Variants in SNCAIP observed in about 807,000 individuals in gnomAD.
SNCAIP encodes the protein synphilin-1.
Under a neutral mutation model 86.7 loss-of-function variants are expected in SNCAIP, and 43 were observed. The ratio of observed to expected loss-of-function variants is 0.50; its 90% confidence interval spans 0.39 to 0.64. The LOEUF is 0.64. SNCAIP is among the 30% of genes least tolerant of loss of function. The pLI, the probability that SNCAIP is intolerant of heterozygous loss-of-function variation, is 0.00. For synonymous variants in SNCAIP, 417 were observed against 427.2 expected (o/e 0.98, Z 0.29); for missense variants, 981 against 1,103.1 (o/e 0.89, Z 1.57).
chr5:122,420,341 A>G (rs1165216745), intron 3 of SNCAIP, among the ~76,000 whole-genome samples: 2 of 152,350 alleles, frequency 1.3e-5, no homozygotes, highest in Admixed American at 1.3e-4. Context: ...AAAATTTCAC[A>G]TGTAAATAAA....
chr5:122,403,837 A>T lies in SNCAIP; in HGVS notation c.102A>T (p.Arg34Ser). 1 of 1,613,942 alleles carries T rather than the reference A, an allele frequency of 6.2e-7. No homozygotes were observed. Among genetic ancestry groups the T allele is most frequent in the Non-Finnish European group, 8.5e-7 (1 of 1,179,850 alleles). The change falls in exon 3 of 11, where the codon AGA becomes AGT. Residue 34 changes from arginine to serine, a missense_variant. Coordinates refer to ENST00000261368, the MANE Select transcript of SNCAIP (RefSeq NM_005460.4). ...SLKTIPELCR[R>S]CDTQNEDRSV... is the part of the protein sequence containing the mutation. Reference sequence around the variant, plus strand: ...AGACGATCCCAGAACTGTGCCGAAGATGTGATACGCAAAACGAAGACAGAT... The same window carrying T: ...AGACGATCCCAGAACTGTGCCGAAGTTGTGATACGCAAAACGAAGACAGAT...
intron 1 of SNCAIP, among the ~76,000 whole-genome samples, chr5:122,368,144 TG>T (rs1763551599): frequency 6.6e-6 from 1 of 152,196 alleles, no homozygotes; most frequent in South Asian, 2.1e-4. Context: ...ATATAGGCAC[TG>T]TCCCCTTCAC....
intron 1 of SNCAIP, among the ~76,000 whole-genome samples, chr5:122,339,151 C>A (rs1757075954): frequency 6.6e-6 from 1 of 152,126 alleles, no homozygotes; most frequent in African/African-American, 2.4e-5. Context: ...TTCTCCACAG[C>A]TTCTGACTTT....
rs1182882073 is a variant in SNCAIP, at chr5:122,312,244, C to T, written c.-87C>T. The T allele has an allele frequency of 6.6e-6, 1 of 151,378 alleles. No homozygotes were observed. Among genetic ancestry groups the T allele is most frequent in the Admixed American group, 6.6e-5 (1 of 15,206 alleles). The allele number at this position is 151,378 out of a possible 1,614,324, so 9.4% of individuals were successfully genotyped here. On this transcript the variant is annotated 5_prime_UTR_variant, in exon 1 of 11. Coordinates refer to ENST00000261368, the MANE Select transcript of SNCAIP (RefSeq NM_005460.4). ...GCGGTCCGTCGGTCGGTCAGTCAGT[C>T]CCTTCGCGCTCCTGAGCCGCCGGCG...
chr5:122,425,313 TTTA>T (rs1469422425), intron 4 of SNCAIP, 36 bp from the exon 5 acceptor site: 9 of 1,537,670 alleles, frequency 5.9e-6, no homozygotes, highest in Non-Finnish European at 7.2e-6. Context: ...CTTGCTCTGA[TTTA>T]TTGACTTGGG....
intron 2 of SNCAIP, among the ~76,000 whole-genome samples, chr5:122,399,867 G>A (rs886257579): frequency 6.6e-6 from 1 of 151,986 alleles, no homozygotes; most frequent in Non-Finnish European, 1.5e-5. Context: ...AAAACAGATC[G>A]CTGGGCCCCA....
intron 3 of SNCAIP, among the ~76,000 whole-genome samples, chr5:122,406,445 G>A (rs890602127): frequency 1.3e-5 from 2 of 152,142 alleles, no homozygotes; most frequent in African/African-American, 4.8e-5. Context: ...GTCACTTACA[G>A]TATACCTGAT....
chr5:122,393,816 T>G (rs890402331), intron 2 of SNCAIP, among the ~76,000 whole-genome samples: 4 of 152,310 alleles, frequency 2.6e-5, no homozygotes, highest in Admixed American at 6.5e-5. Flanking sequence ...TAATCATAAT[T>G]TAGTGTGATC....
At chr5:122,367,918 A>G (rs867588624) in intron 1 of SNCAIP, among the ~76,000 whole-genome samples, 1 of 152,138 alleles carries the variant, frequency 6.6e-6, no homozygotes, top group African/African-American at 2.4e-5. Context: ...AAGTGTATAC[A>G]TACACACATA....
Position 122,444,666 on chromosome 5 carries a change from T to G in SNCAIP, c.1526T>G (p.Leu509Arg), listed in dbSNP as rs1781897693. 6.2e-7 allele frequency: 1 copy of G among 1,613,652 alleles called. No homozygotes were observed. The highest frequency in any genetic ancestry group is 1.7e-5 in the Admixed American group (1 of 59,984). The change falls in exon 8 of 11, where the codon CTG becomes CGG. Residue 509 changes from leucine to arginine, a missense_variant. By Grantham distance (102) the Leu-to-Arg change is moderately radical (BLOSUM62 -2). Transcript: ENST00000261368. ...RQGHTLCSRY[L>R]VVVETCMSLA... The stretch of plus-strand genomic sequence containing the variant: ...GGGCACACCCTGTGCTCCAGGTACC[T>G]GGTGGTGGTGGAGACCTGCATGTCG...
intron 8 of SNCAIP, among the ~76,000 whole-genome samples, chr5:122,445,170 T>G (rs989103021): frequency 1.3e-5 from 2 of 152,092 alleles, no homozygotes; most frequent in East Asian, 1.9e-4. Context: ...GAAAAATGTG[T>G]GGGGGAAATT....
intron 3 of SNCAIP, among the ~76,000 whole-genome samples, chr5:122,411,798 T>C (rs1774189175): frequency 6.6e-6 from 1 of 152,126 alleles, no homozygotes; most frequent in Admixed American, 6.5e-5. Context: ...TTTAACAAGC[T>C]CAATCCCCAG....
intron 1 of SNCAIP, among the ~76,000 whole-genome samples, chr5:122,325,007 C>T (rs974353717): frequency 6.6e-6 from 1 of 152,132 alleles, no homozygotes; most frequent in Non-Finnish European, 1.5e-5. Flanking sequence ...CAGAACAAGG[C>T]CTGGCTCAGC....
At chr5:122,399,402 A>T (rs1447494508) in intron 2 of SNCAIP, among the ~76,000 whole-genome samples, 1 of 152,206 alleles carries the variant, frequency 6.6e-6, no homozygotes, top group Non-Finnish European at 1.5e-5. Context: ...ACTTCAATCC[A>T]GATCTTATGG....
chr5:122,377,784 G>A (rs1379661736), intron 1 of SNCAIP, among the ~76,000 whole-genome samples: 1 of 145,070 alleles, frequency 6.9e-6, no homozygotes, highest in Non-Finnish European at 1.5e-5. Context: ...GTGAGAATAT[G>A]CGGTGTTTGG....
At chr5:122,349,631 G>T (rs1759367185) in intron 1 of SNCAIP, among the ~76,000 whole-genome samples, 1 of 152,018 alleles carries the variant, frequency 6.6e-6, no homozygotes, top group Non-Finnish European at 1.5e-5. Context: ...TGCTTTTTCT[G>T]CTATTTCCTG....
intron 1 of SNCAIP, among the ~76,000 whole-genome samples, chr5:122,355,932 G>T (rs1027851183): frequency 2.0e-5 from 3 of 152,056 alleles, no homozygotes; most frequent in Admixed American, 2.0e-4. Flanking sequence ...TGAGGGAATT[G>T]GGTGGTCTAT....
chr5:122,321,167 C>G (rs1312362895), intron 1 of SNCAIP: 1 of 152,192 alleles, frequency 6.6e-6, no homozygotes, highest in African/African-American at 2.4e-5. Context: ...TAAAAGGGAA[C>G]AGGTGACATC....
chr5:122,352,165 C>T (rs909893874), intron 1 of SNCAIP, among the ~76,000 whole-genome samples: 3 of 152,096 alleles, frequency 2.0e-5, no homozygotes, highest in African/African-American at 4.8e-5. Flanking sequence ...CAGACACTCC[C>T]GGAAAAACGA....
Sources: allele counts gnomAD v4.1 joint callset (sites outside exome capture counted in the v4.1 genomes callset), GRCh38; gene constraint gnomAD v4.1.1; transcripts MANE v1.5; gene names NCBI Gene and HGNC (gene_info 2026-07-23, HGNC 2026-07-21).